The following ZNF331 variants were observed in gnomAD, a reference collection of about 807,000 sequenced individuals.
ZNF331 encodes the protein zinc finger protein 331.
A neutral mutation model predicts 7.0 loss-of-function variants in ZNF331; 2 were observed. The observed-to-expected ratio is 0.29, with a 90% CI of 0.12 to 0.90. The LOEUF (loss-of-function observed/expected upper bound fraction) is 0.90. Among genes scored for constraint, ZNF331 ranks in the 40% least tolerant of loss-of-function variants. The pLI, the probability that ZNF331 is intolerant of heterozygous loss-of-function variation, is 0.58. For synonymous variants in ZNF331, 196 were observed against 205.4 expected (o/e 0.95, Z 0.39); for missense variants, 432 against 587.7 (o/e 0.74, Z 2.74).
rs1049141928 is a variant in ZNF331 at position 53,558,622 on chromosome 19, A to G, written c.-74+2714A>G. The stretch of plus-strand genomic sequence containing the variant: ...GCATTCCTTCCTACAGGTACAGGGC[A>G]GGACCCTCTCTGGAGTGAGAGTCCT... On this transcript the variant is annotated intron_variant, in intron 3 of 5. Transcript: ENST00000449416. The surrounding 1 kb of genome is among the most constrained non-coding windows in gnomAD (Gnocchi z 4.5). 2.0e-5 allele frequency among the ~76,000 whole-genome samples: 3 copies of G among 152,200 alleles called. No individual in the cohort carries two copies. Among genetic ancestry groups the G allele is most frequent in the African/African-American group, 7.2e-5 (3 of 41,498 alleles).
At chr19:53,550,954 C>T (rs1196420870) in intron 2 of ZNF331, among the ~76,000 whole-genome samples, 2 of 151,222 alleles carry the variant, frequency 1.3e-5, no homozygotes, top group Non-Finnish European at 2.9e-5. Flanking sequence ...AAGCTCTTCT[C>T]CTACCTCAGC....
intron 3 of ZNF331, among the ~76,000 whole-genome samples, chr19:53,568,060 C>T (rs769930138): frequency 4.6e-5 from 7 of 151,938 alleles, no homozygotes; most frequent in Non-Finnish European, 1.0e-4. Context: ...ACCAGCCTGG[C>T]CAACATGGTG....
chr19:53,520,903 G>A (rs1465381741), upstream of ZNF331: 1 of 152,076 alleles, frequency 6.6e-6, no homozygotes, highest in African/African-American at 2.4e-5. Context: ...ATTTCCCAGA[G>A]GCCTCTGGGT....
chr19:53,506,292 G>A, the ZNF331 span, among the ~76,000 whole-genome samples: 12 of 99,212 alleles, frequency 1.2e-4, no homozygotes, highest in East Asian at 2.1e-3. Flanking sequence ...CGGAGATCGC[G>A]CCACCGCACT....
At chr19:53,507,941 AT>A in the ZNF331 span, among the ~76,000 whole-genome samples, 3 of 152,334 alleles carry the variant, frequency 2.0e-5, no homozygotes, top group African/African-American at 7.2e-5. Context: ...TACAAAAAAA[AT>A]CATCAAAACT....
upstream of ZNF331, among the ~76,000 whole-genome samples, chr19:53,536,610 T>C (rs2087758823): frequency 6.6e-6 from 1 of 152,216 alleles, no homozygotes. Flanking sequence ...TTTTTAAAAA[T>C]TATTCTCGAC....
the ZNF331 span, chr19:53,503,616 G>T: frequency 1.4e-6 from 1 of 698,354 alleles, no homozygotes; most frequent in South Asian, 1.5e-5. Flanking sequence ...AGGCATTTCC[G>T]GAGTGATTCT....
intron 5 of ZNF331, among the ~76,000 whole-genome samples, chr19:53,572,244 A>G (rs1202360186): frequency 2.6e-5 from 4 of 152,134 alleles, no homozygotes; most frequent in East Asian, 1.9e-4. Context: ...GAAAGTTACA[A>G]TCCCCGAACT....
Position 53,571,904 on chromosome 19 carries a change from C to T in ZNF331, c.136+174C>T, listed in dbSNP as rs994271464. Among the ~76,000 whole-genome samples the T allele has an allele frequency of 5.3e-5, 8 of 152,172 alleles. No homozygotes were observed. Among genetic ancestry groups the T allele is most frequent in the Non-Finnish European group, 1.0e-4 (7 of 68,036 alleles). ...ACCACAACCTTCCCCTCCCATCCATCGGTTACCTTCCCACCTTTGTCGACT... is the reference window on the plus strand; with the variant it reads ...ACCACAACCTTCCCCTCCCATCCATTGGTTACCTTCCCACCTTTGTCGACT... On this transcript the variant is annotated intron_variant, in intron 5 of 5. Coordinates refer to ENST00000449416, the MANE Select transcript of ZNF331 (RefSeq NM_001079906.2). This position sits in a 1 kb window ranked among gnomAD's most constrained non-coding sequence, Gnocchi z 4.7.
At chr19:53,561,267 TC>T (rs2089865776) in intron 3 of ZNF331, among the ~76,000 whole-genome samples, 1 of 151,884 alleles carries the variant, frequency 6.6e-6, no homozygotes, top group Non-Finnish European at 1.5e-5. Flanking sequence ...TTTGGCATTT[TC>T]TTTTAATTTG....
upstream of ZNF331, among the ~76,000 whole-genome samples, chr19:53,519,124 T>C (rs747484822): frequency 6.6e-6 from 1 of 152,140 alleles, no homozygotes; most frequent in African/African-American, 2.4e-5. Flanking sequence ...CACACGTTCA[T>C]AGAAACATAC....
At chr19:53,527,491 G>A (rs530361351) in intron 2 of ZNF331, among the ~76,000 whole-genome samples, 1 of 152,158 alleles carries the variant, frequency 6.6e-6, no homozygotes, top group South Asian at 2.1e-4. Flanking sequence ...TAATCACAGG[G>A]TATTAGAAGT....
At chr19:53,506,486 GTCTCTCTC>G in the ZNF331 span, among the ~76,000 whole-genome samples, 2 of 68,658 alleles carry the variant, frequency 2.9e-5, no homozygotes, top group East Asian at 4.9e-4. Context: ...CTCTCTGTCT[GTCTCTCTC>G]TCTCTCTCTC....
At chr19:53,540,730 C>G (rs2088103005) in intron 2 of ZNF331, among the ~76,000 whole-genome samples, 1 of 152,126 alleles carries the variant, frequency 6.6e-6, no homozygotes, top group Non-Finnish European at 1.5e-5. Context: ...GCCACCGAGC[C>G]TGCCCTGTGG....
At chr19:53,559,526 A>G (rs1289011642) in intron 3 of ZNF331, among the ~76,000 whole-genome samples, 1 of 151,070 alleles carries the variant, frequency 6.6e-6, no homozygotes, top group African/African-American at 2.4e-5. Flanking sequence ...ATACACACAT[A>G]TACACACACG....
intron 3 of ZNF331, among the ~76,000 whole-genome samples, chr19:53,562,788 G>A (rs1359673513): frequency 6.6e-6 from 1 of 151,678 alleles, no homozygotes; most frequent in Non-Finnish European, 1.5e-5. Context: ...AGGAGTTCGA[G>A]ACCATACTGG....
At chr19:53,553,970 T>C (rs2089187467) in intron 2 of ZNF331, among the ~76,000 whole-genome samples, 1 of 152,194 alleles carries the variant, frequency 6.6e-6, no homozygotes, top group African/African-American at 2.4e-5. Context: ...CTGAGGCCCC[T>C]GCCTGGGACC....
At position 53,559,113 on chromosome 19, in the gene ZNF331, C is replaced by T. The variant is rs111169907; in HGVS notation, c.-74+3205C>T. ...CTACATATAGAGACACATATATACA[C>T]ACCATACATACACACACACCCCATG... On this transcript the variant is annotated intron_variant, in intron 3 of 5. Coordinates refer to ENST00000449416, the MANE Select transcript of ZNF331 (RefSeq NM_001079906.2). Among the ~76,000 whole-genome samples, 353 of 131,530 alleles carry T rather than the reference C, an allele frequency of 2.7e-3. 1 individual carries two copies. The highest frequency in any genetic ancestry group is 9.1e-3 in the African/African-American group (339 of 37,082). The allele number at this position is 131,530 out of a possible 152,430, so 86.3% of individuals were successfully genotyped here. A position where few individuals can be genotyped will look rare whatever the true frequency, so the allele number is the denominator to read the frequency against.
chr19:53,551,600 T>C (rs1399820996), intron 2 of ZNF331, among the ~76,000 whole-genome samples: 1 of 152,116 alleles, frequency 6.6e-6, no homozygotes, highest in African/African-American at 2.4e-5. Context: ...TAGTGCACCC[T>C]TGGAATGAGT....
Sources: gnomAD v4.1 joint callset for allele counts (sites outside exome capture counted in the v4.1 genomes callset) on GRCh38, gnomAD v4.1.1 for gene constraint, Gnocchi (gnomAD v3.1) non-coding constraint, MANE v1.5 for transcripts, NCBI Gene and HGNC (gene_info 2026-07-23, HGNC 2026-07-21) for gene names.